The following FBN2 variants were observed in gnomAD, a reference collection of about 807,000 sequenced individuals.
The protein encoded by FBN2 is fibrillin 2.
In FBN2, 105 loss-of-function variants were observed where a neutral mutation model predicts 355.6. The observed-to-expected ratio is 0.30, with a 90% CI of 0.25 to 0.35. FBN2 has a LOEUF of 0.35. Ranked by LOEUF, FBN2 falls within the 10% of genes least tolerant of loss-of-function variation. The probability of loss-of-function intolerance (pLI) is 1.00; values close to 1 mark genes in which losing one functional copy is unlikely to be tolerated. For synonymous variants in FBN2, 1,350 were observed against 1,301.2 expected (o/e 1.04, Z -0.81); for missense variants, 3,280 against 3,758.7 (o/e 0.87, Z 3.33).
intron 5 of FBN2, among the ~76,000 whole-genome samples, chr5:128,503,456 T>C (rs988919530): frequency 2.6e-5 from 4 of 152,140 alleles, no homozygotes; most frequent in Non-Finnish European, 5.9e-5. Flanking sequence ...CAGGAAGATG[T>C]GGGAAAGTTT....
At chr5:128,438,077 G>A (rs749602565) in intron 7 of FBN2, among the ~76,000 whole-genome samples, 3 of 152,228 alleles carry the variant, frequency 2.0e-5, no homozygotes, top group East Asian at 1.9e-4. Context: ...TGCAACCTCC[G>A]CCTCCTGGGC....
intron 6 of FBN2, among the ~76,000 whole-genome samples, chr5:128,455,527 G>A (rs1023283157): frequency 9.2e-5 from 14 of 152,072 alleles, no homozygotes; most frequent in African/African-American, 3.1e-4. Context: ...CAAGATGGCC[G>A]ACTAGAAGCA....
chr5:128,302,847 T>C (rs1749756646), intron 46 of FBN2, 126 bp downstream of exon 46: 3 of 714,868 alleles, frequency 4.2e-6, no homozygotes, highest in South Asian at 1.6e-5. Context: ...TGAAATTATA[T>C]ATCTTTTGGC....
intron 5 of FBN2, among the ~76,000 whole-genome samples, chr5:128,471,756 G>A (rs761557946): frequency 3.9e-5 from 6 of 152,014 alleles, no homozygotes; most frequent in Non-Finnish European, 8.8e-5. Flanking sequence ...TTGTCATTAG[G>A]CTTATATATA....
chr5:128,376,588 A>C (rs1012171778), intron 14 of FBN2, 143 bp downstream of exon 14: 2 of 949,420 alleles, frequency 2.1e-6, no homozygotes, highest in Admixed American at 1.8e-5. Flanking sequence ...AGAAAGCTTT[A>C]GACACCTGCC....
intron 34 of FBN2, among the ~76,000 whole-genome samples, chr5:128,319,335 A>T (rs561471508): frequency 1.3e-5 from 2 of 152,254 alleles, no homozygotes; most frequent in East Asian, 3.9e-4. Flanking sequence ...AAATTGTGAA[A>T]AAAAGATAAA....
At chr5:128,443,069 C>T (rs1753965303) in intron 7 of FBN2, among the ~76,000 whole-genome samples, 1 of 152,160 alleles carries the variant, frequency 6.6e-6, no homozygotes, top group South Asian at 2.1e-4. Context: ...GAAGACATCA[C>T]AGTGAATGAG....
At chr5:128,417,417 C>T (rs1561446886) in intron 7 of FBN2, among the ~76,000 whole-genome samples, 1 of 152,052 alleles carries the variant, frequency 6.6e-6, no homozygotes, top group Non-Finnish European at 1.5e-5. Flanking sequence ...ATGTAGGCAT[C>T]GTCTTATTCC....
At chr5:128,407,382 CTTAA>C (rs758262031) in intron 8 of FBN2, among the ~76,000 whole-genome samples, 11 of 152,128 alleles carry the variant, frequency 7.2e-5, no homozygotes, top group Non-Finnish European at 1.3e-4. Context: ...TCCTCCTCCT[CTTAA>C]TAAGAATAAT....
At position 128,276,026 on chromosome 5, in the gene FBN2, C is replaced by T. The variant is rs184678810; in HGVS notation, c.7594+12G>A. On this transcript the variant is annotated intron_variant, in intron 59 of 64. Coordinates refer to ENST00000262464, the MANE Select transcript of FBN2 (RefSeq NM_001999.4). The stretch of plus-strand genomic sequence containing the variant: ...AGACTAGGGTCACGATTGTCAGAGA[C>T]TCTTCACTCACCTTTGCATGTCTTT... 168 of 1,613,438 alleles carry T rather than the reference C, an allele frequency of 1.0e-4. No individual in the cohort carries two copies. The highest frequency in any genetic ancestry group is 7.3e-4 in the Admixed American group (44 of 59,990).
At chr5:128,406,431 TCTTTC>T in intron 8 of FBN2, among the ~76,000 whole-genome samples, 1 of 152,358 alleles carries the variant, frequency 6.6e-6, no homozygotes, top group South Asian at 2.1e-4. Flanking sequence ...GCATACGATT[TCTTTC>T]CTTTCCTTGC....
chr5:128,488,466 T>A (rs1755402852), intron 5 of FBN2, among the ~76,000 whole-genome samples: 1 of 152,162 alleles, frequency 6.6e-6, no homozygotes, highest in Admixed American at 6.6e-5. Flanking sequence ...GTTCTTTTTT[T>A]TCTGTGCTTC....
chr5:128,509,339 T>A (rs947593605), intron 5 of FBN2, among the ~76,000 whole-genome samples: 14 of 152,136 alleles, frequency 9.2e-5, no homozygotes, highest in Admixed American at 5.2e-4. Context: ...GGCTCACTCG[T>A]CTTTTCGCCT....
chr5:128,444,845 ATCAG>A (rs935027554), intron 7 of FBN2, among the ~76,000 whole-genome samples: 2 of 152,236 alleles, frequency 1.3e-5, no homozygotes, highest in African/African-American at 4.8e-5. Context: ...AACTACTATA[ATCAG>A]TCAGTGGCTG....
intron 5 of FBN2, among the ~76,000 whole-genome samples, chr5:128,477,566 C>A (rs1240278006): frequency 6.6e-6 from 1 of 152,072 alleles, no homozygotes; most frequent in Admixed American, 6.5e-5. Context: ...ATGAAGTTTG[C>A]GTAGTACTTT....
rs375434280 is a variant in FBN2 at position 128,294,040 on chromosome 5, A to T, written c.6167-2386T>A. 1.4e-4 allele frequency among the ~76,000 whole-genome samples: 19 copies of T among 140,534 alleles called. No homozygotes were observed. In the East Asian group the frequency reaches 3.8e-3, roughly 28 times the overall value. The allele number at this position is 140,534 out of a possible 152,430, so 92.2% of individuals were successfully genotyped here. A position where few individuals can be genotyped will look rare whatever the true frequency, so the allele number is the denominator to read the frequency against. On this transcript the variant is annotated intron_variant, in intron 48 of 64. Coordinates refer to ENST00000262464, the MANE Select transcript of FBN2 (RefSeq NM_001999.4). ...GTGTGATGTTCCCCTTCCTGTGTCC[A>T]TGTGTTCTCATTGTTCAATTCCCAC... is the stretch of plus-strand genomic sequence containing the variant.
At chr5:128,369,357 G>C in intron 15 of FBN2, 23 bp from the exon 16 acceptor site, 1 of 1,613,278 alleles carries the variant, frequency 6.2e-7, no homozygotes, top group Non-Finnish European at 8.5e-7. Context: ...CAAAAACAAT[G>C]ACTTGAGGCA....
rs1749851593 is a variant in FBN2 at position 128,305,728 on chromosome 5, A to T, written c.5549-92T>A. 1.9e-6 allele frequency: 3 copies of T among 1,600,896 alleles called. No individual in the cohort carries two copies. In the South Asian group the frequency reaches 3.3e-5, roughly 18 times the overall value. On this transcript the variant is annotated intron_variant, in intron 43 of 64. Transcript: ENST00000262464. The stretch of plus-strand genomic sequence containing the variant: ...ACACTTTGATGATCAACTCTTGAAA[A>T]ATTGTAGAAGAAATAGTAAAAATCA...
chr5:128,477,546 C>A (rs1453838412), intron 5 of FBN2, among the ~76,000 whole-genome samples: 1 of 152,162 alleles, frequency 6.6e-6, no homozygotes, highest in Non-Finnish European at 1.5e-5. Context: ...TAAAACACAA[C>A]TACACAACCA....
Sources: gnomAD v4.1 joint callset for allele counts (sites outside exome capture counted in the v4.1 genomes callset) on GRCh38, gnomAD v4.1.1 for gene constraint, MANE v1.5 for transcripts, NCBI Gene and HGNC (gene_info 2026-07-23, HGNC 2026-07-21) for gene names.